The following GPHN variants were observed in gnomAD, a reference collection of about 807,000 sequenced individuals.
GPHN encodes the protein gephyrin.
GPHN carries 17 observed loss-of-function variants against 95.5 expected under a neutral mutation model. The observed-to-expected ratio is 0.18, with a 90% confidence interval of 0.12 to 0.27. GPHN has a LOEUF of 0.27. GPHN is among the 10% of genes least tolerant of loss of function. GPHN has a pLI of 1.00. For synonymous variants in GPHN, 320 were observed against 322.5 expected (o/e 0.99, Z 0.08); for missense variants, 660 against 978.1 (o/e 0.67, Z 4.34).
At chr14:66,955,740 T>C (rs2068456853) in intron 8 of GPHN, among the ~76,000 whole-genome samples, 1 of 152,028 alleles carries the variant, frequency 6.6e-6, no homozygotes, top group East Asian at 1.9e-4. Flanking sequence ...GTATGTGATG[T>C]TCCCCTTCCT....
the GPHN span, among the ~76,000 whole-genome samples, chr14:67,623,688 C>T: frequency 6.6e-6 from 1 of 151,906 alleles, no homozygotes; most frequent in South Asian, 2.1e-4. Context: ...ATTACAGGTG[C>T]CTGCCACTGC....
chr14:67,275,963 G>T, the GPHN span, among the ~76,000 whole-genome samples: 1 of 152,072 alleles, frequency 6.6e-6, no homozygotes, highest in African/African-American at 2.4e-5. Flanking sequence ...GGTTGGTGGT[G>T]ATACCCCCTT....
At chr14:67,116,383 AG>A (rs1256078474) in intron 16 of GPHN, among the ~76,000 whole-genome samples, 3 of 152,096 alleles carry the variant, frequency 2.0e-5, no homozygotes, top group Non-Finnish European at 4.4e-5. Context: ...AGAAAAGAAA[AG>A]AAACAAGGAA....
At chr14:67,557,575 C>T in the GPHN span, among the ~76,000 whole-genome samples, 1 of 152,248 alleles carries the variant, frequency 6.6e-6, no homozygotes, top group Non-Finnish European at 1.5e-5. Context: ...ATAGGAAGGA[C>T]TGTTCCTCCC....
chr14:67,505,875 T>A, the GPHN span, among the ~76,000 whole-genome samples: 2 of 152,156 alleles, frequency 1.3e-5, no homozygotes, highest in African/African-American at 2.4e-5. Flanking sequence ...AATTTTTGTA[T>A]TTTTAGTAGC....
chr14:67,612,940 C>CA, the GPHN span, among the ~76,000 whole-genome samples: 48 of 143,152 alleles, frequency 3.4e-4, no homozygotes, highest in Admixed American at 9.1e-4. Context: ...GACTCTGTCT[C>CA]AAAAAAAAAA....
Position 66,647,858 on chromosome 14 carries a change from A to G in GPHN, c.65-33249A>G, listed in dbSNP as rs184436996. ...TGGAAAATGTTTTAAAAATATTCAA[A>G]TGTTAAAACATTGCAAACTGATTTA... On this transcript the variant is annotated intron_variant, in intron 1 of 22. Coordinates refer to ENST00000478722, the MANE Select transcript of GPHN (RefSeq NM_020806.5). Among the ~76,000 whole-genome samples the G allele has an allele frequency of 2.0e-5, 3 of 152,302 alleles. No individual in the cohort carries two copies. In the East Asian group the frequency reaches 5.8e-4, roughly 29 times the overall value.
the GPHN span, chr14:67,727,188 A>T: frequency 6.2e-7 from 1 of 1,611,598 alleles, no homozygotes; most frequent in East Asian, 2.2e-5. Context: ...AAGAGGCTCC[A>T]AGGTAAGTCT....
intron 1 of GPHN, among the ~76,000 whole-genome samples, chr14:66,574,806 G>T (rs2060840151): frequency 6.6e-6 from 1 of 152,182 alleles, no homozygotes; most frequent in African/African-American, 2.4e-5. Context: ...CTCTGTCTCT[G>T]TCCCAGATCT....
intron 1 of GPHN, among the ~76,000 whole-genome samples, chr14:66,515,777 C>T (rs1468622791): frequency 1.3e-5 from 2 of 152,098 alleles, no homozygotes; most frequent in Non-Finnish European, 2.9e-5. Flanking sequence ...TACTATGTAC[C>T]AAGGCCCTGT....
the GPHN span, among the ~76,000 whole-genome samples, chr14:67,393,491 T>A: frequency 6.6e-6 from 1 of 152,160 alleles, no homozygotes; most frequent in Non-Finnish European, 1.5e-5. Flanking sequence ...TCTCGCTCCG[T>A]CACCCAGGCT....
At chr14:67,022,034 TG>T (rs1292835563) in intron 9 of GPHN, among the ~76,000 whole-genome samples, 1 of 152,150 alleles carries the variant, frequency 6.6e-6, no homozygotes, top group Non-Finnish European at 1.5e-5. Flanking sequence ...TTGTGTTCTT[TG>T]AATCACTTTT....
In GPHN at chr14:66,675,627, C is replaced by T. The variant is rs113962491; in HGVS notation, c.65-5480C>T. Among the ~76,000 whole-genome samples the T allele has an allele frequency of 3.7e-3, 562 of 152,004 alleles. 12 individuals are homozygous for T. Among genetic ancestry groups the T allele is most frequent in the African/African-American group, 0.013 (531 of 41,492 alleles). On this transcript the variant is annotated intron_variant, in intron 1 of 22. Transcript: ENST00000478722. ...GAAGCTTTTTAGTTTGGTATAGTTC[C>T]GTTTGTCTATTTTTGTTTTTATTGC...
chr14:66,555,731 G>A (rs2059985217), intron 1 of GPHN, among the ~76,000 whole-genome samples: 1 of 152,064 alleles, frequency 6.6e-6, no homozygotes, highest in Admixed American at 6.6e-5. Context: ...TAACTTATCT[G>A]TTAGTGAACA....
At chr14:66,566,445 A>G (rs2060465831) in intron 1 of GPHN, among the ~76,000 whole-genome samples, 1 of 152,172 alleles carries the variant, frequency 6.6e-6, no homozygotes, top group Admixed American at 6.5e-5. Context: ...GGAATAAAAT[A>G]CCGAGGAATT....
chr14:66,815,917 C>T (rs1416258139), intron 3 of GPHN, among the ~76,000 whole-genome samples: 1 of 151,986 alleles, frequency 6.6e-6, no homozygotes, highest in Non-Finnish European at 1.5e-5. Context: ...AGACCCATCT[C>T]ACATATACAA....
chr14:67,711,678 C>T, the GPHN span, among the ~76,000 whole-genome samples: 2 of 152,110 alleles, frequency 1.3e-5, no homozygotes, highest in Non-Finnish European at 2.9e-5. Flanking sequence ...TCTTAGACTT[C>T]CAGATTCTTG....
chr14:67,403,212 T>C, the GPHN span, among the ~76,000 whole-genome samples: 1 of 152,254 alleles, frequency 6.6e-6, no homozygotes, highest in Non-Finnish European at 1.5e-5. Context: ...TTGCCATTTG[T>C]ATGTCTTCTT....
chr14:67,593,392 G>A, the GPHN span: 3 of 266,494 alleles, frequency 1.1e-5, no homozygotes. Flanking sequence ...TCAGGAGGCT[G>A]AGGTGGGAGA....
Sources: gnomAD v4.1 joint callset for allele counts (sites outside exome capture counted in the v4.1 genomes callset) on GRCh38, gnomAD v4.1.1 for gene constraint, MANE v1.5 for transcripts, NCBI Gene and HGNC (gene_info 2026-07-23, HGNC 2026-07-21) for gene names.